The following ZNF736 variants were observed in gnomAD, a reference collection of about 807,000 sequenced individuals.
ZNF736 encodes the protein KRAB-containing zinc-finger repressor protein.
Under a neutral mutation model 11.7 loss-of-function variants are expected in ZNF736, and 6 were observed. That is an observed-to-expected ratio of 0.51 (90% CI 0.28 to 1.01). The LOEUF (loss-of-function observed/expected upper bound fraction) is 1.01. ZNF736 is among the 50% of genes least tolerant of loss of function. ZNF736 has a pLI of 0.09. For synonymous variants in ZNF736, 139 were observed against 164.7 expected, an observed-to-expected ratio of 0.84 and a Z score of 1.19; for missense variants, 444 against 496.0, an observed-to-expected ratio of 0.90 and a Z score of 1.00.
chr7:64,346,739 G>A (rs1183465428), intron 3 of ZNF736, among the ~76,000 whole-genome samples: 1 of 151,944 alleles, frequency 6.6e-6, no homozygotes, highest in African/African-American at 2.4e-5. Flanking sequence ...TAATGTTGAA[G>A]TGCATATTAG....
chr7:64,329,901 C>T (rs1789137254), intron 1 of ZNF736, among the ~76,000 whole-genome samples: 1 of 152,188 alleles, frequency 6.6e-6, no homozygotes, highest in Non-Finnish European at 1.5e-5. Flanking sequence ...AACATGGAGT[C>T]AGAAACCTTA....
intron 3 of ZNF736, 119 bp downstream of exon 3, chr7:64,337,101 CCTT>C: frequency 2.3e-6 from 2 of 866,272 alleles, no homozygotes; most frequent in Non-Finnish European, 3.6e-6. Context: ...TTCTGAGAAA[CCTT>C]CATTTCTTTC....
chr7:64,339,466 TA>T (rs1486127630), intron 3 of ZNF736, among the ~76,000 whole-genome samples: 1 of 152,204 alleles, frequency 6.6e-6, no homozygotes, highest in Non-Finnish European at 1.5e-5. Flanking sequence ...TTAAATATTG[TA>T]AGAAAAGTGG....
At chr7:64,329,827 C>T (rs1789136015) in intron 1 of ZNF736, among the ~76,000 whole-genome samples, 1 of 152,164 alleles carries the variant, frequency 6.6e-6, no homozygotes, top group African/African-American at 2.4e-5. Context: ...CAGCCAGGCT[C>T]ATGTCCTTTC....
At position 64,352,740 on chromosome 7, in the gene ZNF736, C is replaced by A. The variant is rs11770095; in HGVS notation, c.*3593C>A. The A allele has an allele frequency of 0.18, 27,891 of 152,146 alleles. 2,862 individuals carry two copies. The highest frequency in any genetic ancestry group is 0.22 in the Non-Finnish European group (14,750 of 68,030). 9.4% of individuals were successfully genotyped at this position (152,146 alleles called of 1,614,324 possible). On this transcript the variant is annotated 3_prime_UTR_variant, in exon 4 of 4. Coordinates refer to ENST00000423484, the MANE Select transcript of ZNF736 (RefSeq NM_001170905.3). Reference sequence around the variant, plus strand: ...CCTGTACTGTGCTAGGAGATCCTTTCCGCCCCCCGGTCAGCTTGGGCTCTT... The same window carrying A: ...CCTGTACTGTGCTAGGAGATCCTTTACGCCCCCCGGTCAGCTTGGGCTCTT...
Position 64,337,263 on chromosome 7 carries a change from A to T in ZNF736, c.226+281A>T, listed in dbSNP as rs1789267123. 2.8e-5 allele frequency: 11 copies of T among 388,776 alleles called. No homozygotes were observed. In the South Asian group the frequency reaches 4.4e-4, roughly 15 times the overall value. The allele number at this position is 388,776 out of a possible 1,614,324, so 24.1% of individuals were successfully genotyped here. On this transcript the variant is annotated intron_variant, in intron 3 of 3. Transcript: ENST00000423484. ...TTTACAGCAATAATGAAAGTCTTTC[A>T]TGGCTTGACAGAAAATGTGTGATTT...
rs1185596834 is a variant in ZNF736, at chr7:64,353,056, T to C, written c.*3909T>C. Reference sequence around the variant, plus strand: ...AGCCTGGAAAGCCAGTATCTAAGGCTCTTGAATCTGCGCAGGCCTAAGTGG... The same window carrying C: ...AGCCTGGAAAGCCAGTATCTAAGGCCCTTGAATCTGCGCAGGCCTAAGTGG... On this transcript the variant is annotated 3_prime_UTR_variant, in exon 4 of 4. Coordinates refer to ENST00000423484, the MANE Select transcript of ZNF736 (RefSeq NM_001170905.3). 3 of 152,322 alleles carry C rather than the reference T, an allele frequency of 2.0e-5. No homozygotes were observed. The highest frequency in any genetic ancestry group is 7.2e-5 in the African/African-American group (3 of 41,440). The allele number at this position is 152,322 out of a possible 1,614,324, so 9.4% of individuals were successfully genotyped here.
intron 1 of ZNF736, among the ~76,000 whole-genome samples, chr7:64,315,935 G>A (rs776053993): frequency 2.0e-5 from 3 of 152,068 alleles, no homozygotes; most frequent in Admixed American, 6.5e-5. Context: ...TAGTCTGTTT[G>A]TGCATATTTC....
At position 64,349,281 on chromosome 7, in the gene ZNF736, T is replaced by G. The variant is rs1204627790; in HGVS notation, c.*134T>G. On this transcript the variant is annotated 3_prime_UTR_variant, in exon 4 of 4. Transcript: ENST00000423484. ...TTAGAGGGTCTCTAAGAACTTACTT[T>G]ATAATCTGGTTGCTTATATGTTGGG... 40 of 817,014 alleles carry G rather than the reference T, an allele frequency of 4.9e-5. No individual in the cohort carries two copies. The highest frequency in any genetic ancestry group is 7.1e-5 in the Non-Finnish European group (39 of 548,832). 50.6% of individuals were successfully genotyped at this position (817,014 alleles called of 1,614,324 possible). A position where few individuals can be genotyped will look rare whatever the true frequency, so the allele number is the denominator to read the frequency against.
At chr7:64,329,658 G>T in intron 1 of ZNF736, among the ~76,000 whole-genome samples, 1 of 152,176 alleles carries the variant, frequency 6.6e-6, no homozygotes, top group Non-Finnish European at 1.5e-5. Flanking sequence ...TGGAGTGGGT[G>T]TAACACTAGC....
chr7:64,346,881 A>AT (rs1789416789), intron 3 of ZNF736, among the ~76,000 whole-genome samples: 1 of 151,060 alleles, frequency 6.6e-6, no homozygotes, highest in African/African-American at 2.4e-5. Flanking sequence ...TTGAGATGTA[A>AT]TTTTGATTTT....
chr7:64,344,741 C>T (rs1789385370), intron 3 of ZNF736, among the ~76,000 whole-genome samples: 1 of 152,068 alleles, frequency 6.6e-6, no homozygotes, highest in African/African-American at 2.4e-5. Context: ...GTGGATAATG[C>T]TTCAATATGG....
At chr7:64,333,878 A>G (rs183655160) in intron 1 of ZNF736, among the ~76,000 whole-genome samples, 1 of 152,350 alleles carries the variant, frequency 6.6e-6, no homozygotes, top group East Asian at 1.9e-4. Flanking sequence ...GCATCACGCT[A>G]CCTGACTTGA....
At position 64,349,352 on chromosome 7, in the gene ZNF736, A is replaced by G. The variant is rs1789456357; in HGVS notation, c.*205A>G. 5.0e-6 allele frequency: 2 copies of G among 403,160 alleles called. No homozygotes were observed. The highest frequency in any genetic ancestry group is 4.1e-5 in the African/African-American group (2 of 48,382). The allele number at this position is 403,160 out of a possible 1,614,324, so 25.0% of individuals were successfully genotyped here. A position where few individuals can be genotyped will look rare whatever the true frequency, so the allele number is the denominator to read the frequency against. ...ATTATGTAATGCCCTTTTTTTTTAA[A>G]TCTATGTTAATTTCAAGTCTGTTTT... On this transcript the variant is annotated 3_prime_UTR_variant, in exon 4 of 4. Coordinates refer to ENST00000423484, the MANE Select transcript of ZNF736 (RefSeq NM_001170905.3).
chr7:64,322,911 A>G (rs1191459961), intron 1 of ZNF736, among the ~76,000 whole-genome samples: 1 of 152,220 alleles, frequency 6.6e-6, no homozygotes, highest in Non-Finnish European at 1.5e-5. Flanking sequence ...ACTCTTTACA[A>G]AACTACTTAG....
chr7:64,317,254 A>G (rs1369008179), intron 1 of ZNF736, among the ~76,000 whole-genome samples: 3 of 152,216 alleles, frequency 2.0e-5, no homozygotes, highest in Non-Finnish European at 2.9e-5. Flanking sequence ...TTGAGCTGCA[A>G]TGGATGTAAC....
intron 2 of ZNF736, 105 bp from the exon 3 acceptor site, chr7:64,336,782 T>A: frequency 2.2e-6 from 2 of 916,394 alleles, no homozygotes; most frequent in Non-Finnish European, 3.3e-6. Context: ...TAAAATTAAT[T>A]TTCTAGAGTC....
chr7:64,346,353 G>A (rs968171968), intron 3 of ZNF736, among the ~76,000 whole-genome samples: 1 of 150,666 alleles, frequency 6.6e-6, no homozygotes, highest in African/African-American at 2.4e-5. Context: ...GATCTAAAGT[G>A]AATCTCTTGA....
intron 3 of ZNF736, among the ~76,000 whole-genome samples, chr7:64,339,598 A>G (rs1189879557): frequency 6.6e-6 from 1 of 152,166 alleles, no homozygotes; most frequent in Non-Finnish European, 1.5e-5. Flanking sequence ...TGATCTTACA[A>G]GGATGGATTT....
Sources: allele counts gnomAD v4.1 joint callset (sites outside exome capture counted in the v4.1 genomes callset), GRCh38; gene constraint gnomAD v4.1.1; transcripts MANE v1.5; gene names NCBI Gene and HGNC (gene_info 2026-07-23, HGNC 2026-07-21).